Variants in DLGAP3 observed in about 807,000 individuals in gnomAD.
DLGAP3 encodes the protein DLG associated protein 3.
In DLGAP3, 17 loss-of-function variants were observed where a neutral mutation model predicts 81.2. The ratio of observed to expected loss-of-function variants is 0.21; its 90% CI spans 0.14 to 0.31. The LOEUF is 0.31. DLGAP3 is among the 10% of genes least tolerant of loss of function. The pLI, the probability that DLGAP3 is intolerant of heterozygous loss-of-function variation, is 1.00. For missense variants in DLGAP3, 1,124 were observed against 1,388.0 expected, an observed-to-expected ratio of 0.81 and a Z score of 3.02; for synonymous variants, 577 against 587.4, an observed-to-expected ratio of 0.98 and a Z score of 0.26.
chr1:34,881,078 T>C (rs1480861660), intron 8 of DLGAP3, among the ~76,000 whole-genome samples: 1 of 152,208 alleles, frequency 6.6e-6, no homozygotes, highest in Admixed American at 6.5e-5. Context: ...TTAGCTCTAA[T>C]ACCTGAATTG....
In DLGAP3 at chr1:34,895,795, T is replaced by A. The variant is rs1639371209; in HGVS notation, c.1386+3874A>T. Reference sequence around the variant, plus strand: ...AACACATGCATTTATGGTAAATTGGTTTTGAAAAAGGGGCCAAGAAATTTC... The same window carrying A: ...AACACATGCATTTATGGTAAATTGGATTTGAAAAAGGGGCCAAGAAATTTC... On this transcript the variant is annotated intron_variant, in intron 5 of 11. Coordinates refer to ENST00000373347, the MANE Select transcript of DLGAP3 (RefSeq NM_001080418.3). This position sits in a 1 kb window ranked among gnomAD's most constrained non-coding sequence, Gnocchi z 4.5. 3.3e-5 allele frequency among the ~76,000 whole-genome samples: 5 copies of A among 152,098 alleles called. No individual in the cohort carries two copies. The South Asian group carries it at 1.0e-3, about 31-fold the overall frequency.
Position 34,904,452 on chromosome 1 carries a change from C to G in DLGAP3, c.932G>C (p.Arg311Pro). Reference sequence around the variant, plus strand: ...GGACATGCCAGTGCAGGCAAGGCAGCGGCCTTCCGACCCGCCCGAGCGCCC... The same window carrying G: ...GGACATGCCAGTGCAGGCAAGGCAGGGGCCTTCCGACCCGCCCGAGCGCCC... ...FKGRSGGSEG[R>P]CLACTGMSMS... The change falls in exon 3 of 12, where the codon CGC becomes CCC. Residue 311 changes from arginine to proline, a missense_variant. Transcript: ENST00000373347. This position sits in a 1 kb window ranked among gnomAD's most constrained non-coding sequence, Gnocchi z 8.1. 6.2e-7 allele frequency: 1 copy of G among 1,614,098 alleles called. No individual in the cohort carries two copies. Among genetic ancestry groups the G allele is most frequent in the Non-Finnish European group, 8.5e-7 (1 of 1,180,026 alleles).
chr1:34,880,745 T>C (rs941803573), intron 8 of DLGAP3, among the ~76,000 whole-genome samples: 3 of 152,050 alleles, frequency 2.0e-5, no homozygotes, highest in South Asian at 4.1e-4. Context: ...GCAATAAATA[T>C]TGATAACATT....
chr1:34,884,897 G>C, intron 8 of DLGAP3, 81 bp downstream of exon 8: 1 of 1,083,894 alleles, frequency 9.2e-7, no homozygotes, highest in South Asian at 1.3e-5. Flanking sequence ...TGTGCAGGGA[G>C]ACTGGGCTAG....
chr1:34,869,087 C>G lies in DLGAP3; in HGVS notation c.2003G>C (p.Arg668Pro), dbSNP rs372375237. Residue 668 changes from arginine to proline, a missense_variant and splice_region_variant, in exon 9 of 12, where the codon CGA becomes CCA. Transcript: ENST00000373347. ...ACTATTGGAGCGCTTGAACCTTGCT[C>G]GCCTGGGGAGAGGGGTGGCTGTCAT... is the stretch of plus-strand genomic sequence containing the variant. Reference protein sequence around the residue: ...IGVQVEEDKRRARFKRSNSVT... With the variant: ...IGVQVEEDKRPARFKRSNSVT... 225 of 1,587,464 alleles carry G rather than the reference C, an allele frequency of 1.4e-4. No individual in the cohort carries two copies. The highest frequency in any genetic ancestry group is 1.9e-4 in the Non-Finnish European group (220 of 1,171,876).
intron 5 of DLGAP3, among the ~76,000 whole-genome samples, chr1:34,892,412 G>GA (rs1291433547): frequency 1.3e-5 from 2 of 151,884 alleles, no homozygotes; most frequent in Admixed American, 6.6e-5. Flanking sequence ...AGGAGGAGGG[G>GA]AAAAAAAGAG....
chr1:34,872,104 G>T (rs999125905), intron 8 of DLGAP3, among the ~76,000 whole-genome samples: 6 of 152,206 alleles, frequency 3.9e-5, no homozygotes, highest in African/African-American at 1.2e-4. Context: ...GGACATTTCA[G>T]GGGTGGGTGG....
intron 1 of DLGAP3, among the ~76,000 whole-genome samples, chr1:34,919,148 G>A (rs1424933355): frequency 6.6e-6 from 1 of 152,184 alleles, no homozygotes; most frequent in Non-Finnish European, 1.5e-5. Flanking sequence ...TGAGAGAGGA[G>A]AGAGGCAAGA....
At chr1:34,901,763 G>C (rs1479269835) in intron 3 of DLGAP3, among the ~76,000 whole-genome samples, 1 of 152,226 alleles carries the variant, frequency 6.6e-6, no homozygotes, top group Non-Finnish European at 1.5e-5. Context: ...CACAGTGAGG[G>C]GAGAATTGAA....
chr1:34,928,691 TAC>T (rs1200996362), intron 1 of DLGAP3, among the ~76,000 whole-genome samples: 5 of 150,812 alleles, frequency 3.3e-5, no homozygotes, highest in Admixed American at 6.6e-5. Context: ...CGCGCTCAGA[TAC>T]ACTCTCTCTC....
chr1:34,877,183 T>C (rs1468208750), intron 8 of DLGAP3, among the ~76,000 whole-genome samples: 4 of 151,782 alleles, frequency 2.6e-5, no homozygotes, highest in Non-Finnish European at 2.9e-5. Flanking sequence ...TGAGGGAGGA[T>C]GAGAGGAGAG....
chr1:34,892,114 A>G (rs957771371), intron 5 of DLGAP3, among the ~76,000 whole-genome samples: 5 of 152,244 alleles, frequency 3.3e-5, no homozygotes, highest in Admixed American at 6.5e-5. Context: ...AAAGATTTAA[A>G]GGAAAGCATG....
intron 8 of DLGAP3, among the ~76,000 whole-genome samples, chr1:34,879,566 G>A (rs569971126): frequency 6.6e-6 from 1 of 152,242 alleles, no homozygotes; most frequent in Non-Finnish European, 1.5e-5. Context: ...TATGATGAAG[G>A]AGGTCTCAAC....
chr1:34,882,622 G>A (rs974559056), intron 8 of DLGAP3, among the ~76,000 whole-genome samples: 1 of 152,134 alleles, frequency 6.6e-6, no homozygotes, highest in Admixed American at 6.5e-5. Flanking sequence ...CTTTCTTCTG[G>A]ATCATGAAAA....
intron 1 of DLGAP3, among the ~76,000 whole-genome samples, chr1:34,913,905 G>A (rs1639677933): frequency 6.6e-6 from 1 of 152,148 alleles, no homozygotes; most frequent in Admixed American, 6.5e-5. Flanking sequence ...CTGCTTAGCA[G>A]GTAAAGATGG....
In DLGAP3 at chr1:34,884,967, C is replaced by G; in HGVS notation, c.2000+11G>C. ...CCCAGCGAAGCCTGGGCACTCCCAC[C>G]GTGACTTTACCTCTTGTCCTCTTCC... On this transcript the variant is annotated intron_variant, in intron 8 of 11. Coordinates refer to ENST00000373347, the MANE Select transcript of DLGAP3 (RefSeq NM_001080418.3). 6.2e-7 allele frequency: 1 copy of G among 1,607,384 alleles called. No individual in the cohort carries two copies. The highest frequency in any genetic ancestry group is 1.1e-5 in the South Asian group (1 of 90,730).
intron 1 of DLGAP3, among the ~76,000 whole-genome samples, chr1:34,920,172 T>G (rs1557505249): frequency 2.0e-5 from 3 of 152,156 alleles, no homozygotes; most frequent in Non-Finnish European, 2.9e-5. Flanking sequence ...TCTCTCCAAG[T>G]GTCTCTAAGT....
intron 8 of DLGAP3, among the ~76,000 whole-genome samples, chr1:34,876,821 C>T (rs1440645773): frequency 6.6e-6 from 1 of 152,186 alleles, no homozygotes; most frequent in Non-Finnish European, 1.5e-5. Flanking sequence ...AGGAAGGCCA[C>T]GTTCTCTGCC....
At chr1:34,924,673 AG>A (rs1209138765) in intron 1 of DLGAP3, among the ~76,000 whole-genome samples, 1 of 152,176 alleles carries the variant, frequency 6.6e-6, no homozygotes, top group East Asian at 1.9e-4. Context: ...GCTAAAAAAA[AG>A]TTCCCAGGAG....
Sources: gnomAD v4.1 joint callset for allele counts (sites outside exome capture counted in the v4.1 genomes callset) on GRCh38, gnomAD v4.1.1 for gene constraint, Gnocchi (gnomAD v3.1) non-coding constraint, MANE v1.5 for transcripts, NCBI Gene and HGNC (gene_info 2026-07-23, HGNC 2026-07-21) for gene names.